The following NECTIN2 variants were observed in gnomAD, a reference collection of about 807,000 sequenced individuals.
NECTIN2 encodes the protein nectin cell adhesion molecule 2.
In NECTIN2, 23 loss-of-function variants were observed where a neutral mutation model predicts 56.9. That is an observed-to-expected ratio of 0.40 (90% confidence interval 0.29 to 0.57). NECTIN2 has a LOEUF of 0.57. NECTIN2 is among the 20% of genes least tolerant of loss of function. NECTIN2 has a pLI of 0.38. For synonymous variants in NECTIN2, 302 were observed against 313.8 expected (o/e 0.96, Z 0.40); for missense variants, 587 against 718.3 (o/e 0.82, Z 2.09).
intron 1 of NECTIN2, among the ~76,000 whole-genome samples, chr19:44,860,641 T>C (rs1969021329): frequency 6.6e-6 from 1 of 151,836 alleles, no homozygotes; most frequent in Non-Finnish European, 1.5e-5. Context: ...TTTTTTCTTT[T>C]CTTTTCTTTT....
intron 1 of NECTIN2, among the ~76,000 whole-genome samples, chr19:44,848,599 AC>A (rs1359634187): frequency 6.7e-6 from 1 of 149,804 alleles, no homozygotes; most frequent in African/African-American, 2.5e-5. Flanking sequence ...CCCTTTCTTG[AC>A]CACCCCCACC....
chr19:44,869,227 C>T (rs531495274), intron 2 of NECTIN2, among the ~76,000 whole-genome samples: 1 of 152,106 alleles, frequency 6.6e-6, no homozygotes, highest in Admixed American at 6.6e-5. Context: ...AATCCCAGCA[C>T]TTTGGGAGGC....
At position 44,865,867 on chromosome 19, in the gene NECTIN2, G is replaced by A. The variant is rs1183105664; in HGVS notation, c.478+207G>A. Among the ~76,000 whole-genome samples, 1 of 152,010 alleles carries A rather than the reference G, an allele frequency of 6.6e-6. No individual in the cohort carries two copies. The highest frequency in any genetic ancestry group is 1.5e-5 in the Non-Finnish European group (1 of 67,990). On this transcript the variant is annotated intron_variant, in intron 2 of 8. Coordinates refer to ENST00000252483, the MANE Select transcript of NECTIN2 (RefSeq NM_001042724.2). This position sits in a 1 kb window ranked among gnomAD's most constrained non-coding sequence, Gnocchi z 5.2. Reference sequence around the variant, plus strand: ...ATGTGGCAGGCAACCAGGCATTCTTGGGAAAAACAAAAAAATAAGTATTGG... The same window carrying A: ...ATGTGGCAGGCAACCAGGCATTCTTAGGAAAAACAAAAAAATAAGTATTGG...
intron 2 of NECTIN2, among the ~76,000 whole-genome samples, chr19:44,870,826 T>C (rs1306916599): frequency 1.3e-5 from 2 of 150,950 alleles, no homozygotes; most frequent in African/African-American, 4.9e-5. Context: ...GCCTCCCAGG[T>C]TCAAGCAATT....
chr19:44,883,399 C>T (rs1430832621), intron 6 of NECTIN2, among the ~76,000 whole-genome samples: 2 of 152,106 alleles, frequency 1.3e-5, no homozygotes, highest in East Asian at 1.9e-4. Context: ...CTCAGCCTCT[C>T]GAGTAGCTGG....
At position 44,865,189 on chromosome 19, in the gene NECTIN2, G is replaced by A. The variant is rs1969083096; in HGVS notation, c.89-82G>A. ...ATGCGGAGCCTGCATTTCCCGTGGGGCCCCCTTCGTGGTGGCCCTGCCTGG... is the reference window on the plus strand; with the variant it reads ...ATGCGGAGCCTGCATTTCCCGTGGGACCCCCTTCGTGGTGGCCCTGCCTGG... On this transcript the variant is annotated intron_variant, in intron 1 of 8. Coordinates refer to ENST00000252483, the MANE Select transcript of NECTIN2 (RefSeq NM_001042724.2). The surrounding 1 kb of genome is among the most constrained non-coding windows in gnomAD (Gnocchi z 5.2). 7.0e-7 allele frequency: 1 copy of A among 1,430,354 alleles called. No homozygotes were observed. Among genetic ancestry groups the A allele is most frequent in the Non-Finnish European group, 9.4e-7 (1 of 1,059,662 alleles). The allele number at this position is 1,430,354 out of a possible 1,614,324, so 88.6% of individuals were successfully genotyped here.
intron 5 of NECTIN2, chr19:44,878,529 G>C (rs376477761): frequency 1.4e-5 from 22 of 1,613,942 alleles, no homozygotes; most frequent in Non-Finnish European, 1.9e-5. Flanking sequence ...GCAGAGAAAG[G>C]CCTCATGTTG....
intron 3 of NECTIN2, among the ~76,000 whole-genome samples, chr19:44,872,533 G>T (rs1383420294): frequency 1.3e-5 from 2 of 151,994 alleles, no homozygotes; most frequent in African/African-American, 4.8e-5. Context: ...TTATTCCCCA[G>T]AGAGTTGGTT....
rs750139888 is a variant in NECTIN2 at position 44,873,899 on chromosome 19, C to T, written c.776-17C>T. ...GGATTCTCCTCCTTGCTGATCCAGT[C>T]CCCCCATTTCCCCCAGACCCTCCTG... On this transcript the variant is annotated splice_polypyrimidine_tract_variant and intron_variant, in intron 3 of 8. Coordinates refer to ENST00000252483, the MANE Select transcript of NECTIN2 (RefSeq NM_001042724.2). 3.8e-6 allele frequency: 6 copies of T among 1,572,776 alleles called. No individual in the cohort carries two copies. Among genetic ancestry groups the T allele is most frequent in the East Asian group, 2.2e-5 (1 of 44,614 alleles).
chr19:44,857,394 A>G (rs1968977238), intron 1 of NECTIN2, among the ~76,000 whole-genome samples: 1 of 151,524 alleles, frequency 6.6e-6, no homozygotes, highest in African/African-American at 2.4e-5. Flanking sequence ...GGCCCTAGCC[A>G]TCTTGCCCAG....
At position 44,874,451 on chromosome 19, in the gene NECTIN2, C is replaced by A. The variant is rs771747845; in HGVS notation, c.1015C>A (p.Arg339Ser). 2 of 1,613,866 alleles carry A rather than the reference C, an allele frequency of 1.2e-6. No homozygotes were observed. The highest frequency in any genetic ancestry group is 2.7e-5 in the African/African-American group (2 of 74,908). ...CTVTNAVGMG[R>S]AEQVIFVRET... ...AGTCACCAATGCCGTGGGCATGGGC[C>A]GCGCTGAGCAGGTCATCTTTGTCCG... The change falls in exon 5 of 9, where the codon CGC becomes AGC. Residue 339 changes from arginine (R) to serine (S), a missense_variant. By Grantham distance (110) the Arg-to-Ser change is moderately radical. Coordinates refer to ENST00000252483, the MANE Select transcript of NECTIN2 (RefSeq NM_001042724.2). This position sits in a 1 kb window ranked among gnomAD's most constrained non-coding sequence, Gnocchi z 6.3.
chr19:44,882,317 G>A lies in NECTIN2; in HGVS notation c.1149G>A (p.Arg383=). 1 of 1,546,972 alleles carries A rather than the reference G, an allele frequency of 6.5e-7. No homozygotes were observed. The highest frequency in any genetic ancestry group is 8.7e-7 in the Non-Finnish European group (1 of 1,145,630). The change falls in exon 6 of 9, where the codon CGG becomes CGA. Residue 383 remains arginine (R), a synonymous_variant. Transcript: ENST00000252483. ...CTGCCACGGGCATCCTTATCTGCCGGCAGCAGCGGAAGGAGCAGACGCTGC... is the reference window on the plus strand; with the variant it reads ...CTGCCACGGGCATCCTTATCTGCCGACAGCAGCGGAAGGAGCAGACGCTGC... ...AVAATGILIC[R]QQRKEQTLQG...
At chr19:44,864,829 A>G (rs957685109) in intron 1 of NECTIN2, among the ~76,000 whole-genome samples, 2 of 149,648 alleles carry the variant, frequency 1.3e-5, no homozygotes, top group Non-Finnish European at 3.0e-5. Flanking sequence ...CTCCGTCTCA[A>G]AAAAAAAAAG....
Position 44,888,631 on chromosome 19 carries a change from G to C in NECTIN2, c.*252G>C. ...GGGAAGGTGCTTCTGCACAACCTCTGATCCCAAGGACTCCTCTCCCAGACT... is the reference window on the plus strand; with the variant it reads ...GGGAAGGTGCTTCTGCACAACCTCTCATCCCAAGGACTCCTCTCCCAGACT... On this transcript the variant is annotated 3_prime_UTR_variant, in exon 9 of 9. Coordinates refer to ENST00000252483, the MANE Select transcript of NECTIN2 (RefSeq NM_001042724.2). 1.9e-6 allele frequency: 1 copy of C among 531,180 alleles called. No individual in the cohort carries two copies. Among genetic ancestry groups the C allele is most frequent in the Non-Finnish European group, 3.4e-6 (1 of 296,328 alleles). The allele number at this position is 531,180 out of a possible 1,614,324, so 32.9% of individuals were successfully genotyped here. A position where few individuals can be genotyped will look rare whatever the true frequency, so the allele number is the denominator to read the frequency against.
At position 44,886,010 on chromosome 19, in the gene NECTIN2, T is replaced by C; in HGVS notation, c.1260+10T>C. The C allele has an allele frequency of 9.4e-6, 15 of 1,597,986 alleles. No homozygotes were observed. Among genetic ancestry groups the C allele is most frequent in the Non-Finnish European group, 1.3e-5 (15 of 1,165,506 alleles). On this transcript the variant is annotated intron_variant, in intron 7 of 8. Transcript: ENST00000252483. ...GGAGGCACAGGAGATGGTGAGCACT[T>C]TCCCTGGAGCCCAAGCTATCCCCAC...
In NECTIN2 at chr19:44,846,550, C is replaced by A; in HGVS notation, c.25C>A (p.Pro9Thr). Reference protein sequence around the residue: MARAAALLPSRSPPTPLLW... With the variant: MARAAALLTSRSPPTPLLW... ...CATGGCCCGGGCCGCTGCCCTCCTGCCGTCGAGATCGCCGCCGACGCCGCT... is the reference window on the plus strand; with the variant it reads ...CATGGCCCGGGCCGCTGCCCTCCTGACGTCGAGATCGCCGCCGACGCCGCT... The change falls in exon 1 of 9, where the codon CCG (proline) becomes ACG (threonine). Residue 9 changes from proline (P) to threonine (T), a missense_variant. Coordinates refer to ENST00000252483, the MANE Select transcript of NECTIN2 (RefSeq NM_001042724.2). The A allele has an allele frequency of 6.6e-7, 1 of 1,523,854 alleles. No individual in the cohort carries two copies. The highest frequency in any genetic ancestry group is 1.4e-5 in the African/African-American group (1 of 71,128). The allele number at this position is 1,523,854 out of a possible 1,614,324, so 94.4% of individuals were successfully genotyped here.
intron 5 of NECTIN2, among the ~76,000 whole-genome samples, chr19:44,877,906 G>A (rs541440472): frequency 5.6e-4 from 85 of 152,264 alleles, no homozygotes; most frequent in Admixed American, 9.1e-4. Flanking sequence ...AAGTGAAATC[G>A]CCTGATTTTT....
chr19:44,878,134 C>G (rs1969261499), intron 5 of NECTIN2: 2 of 603,038 alleles, frequency 3.3e-6, no homozygotes, highest in Non-Finnish European at 6.0e-6. Flanking sequence ...TATCCTGCAT[C>G]TCCCCCACCC....
At chr19:44,854,287 C>T (rs574011449) in intron 1 of NECTIN2, among the ~76,000 whole-genome samples, 3 of 151,830 alleles carry the variant, frequency 2.0e-5, no homozygotes, top group Admixed American at 6.6e-5. Context: ...TTCACTGTGT[C>T]GGCCAGGCTG....
Sources: gnomAD v4.1 joint callset for allele counts (sites outside exome capture counted in the v4.1 genomes callset) on GRCh38, gnomAD v4.1.1 for gene constraint, Gnocchi (gnomAD v3.1) non-coding constraint, MANE v1.5 for transcripts, NCBI Gene and HGNC (gene_info 2026-07-23, HGNC 2026-07-21) for gene names.